Variants in GPM6B observed in about 807,000 individuals in gnomAD.
GPM6B encodes neuronal membrane glycoprotein M6-b.
GPM6B carries 4 observed loss-of-function variants against 27.2 expected under a neutral mutation model. The ratio of observed to expected loss-of-function variants is 0.15; its 90% CI spans 0.07 to 0.34. GPM6B has a LOEUF of 0.34. Among genes scored for constraint, GPM6B ranks in the 10% least tolerant of loss-of-function variants. The pLI, the probability that GPM6B is intolerant of heterozygous loss-of-function variation, is 1.00. For synonymous variants in GPM6B, 124 were observed against 103.1 expected, an observed-to-expected ratio of 1.20 and a Z score of -1.23; for missense variants, 183 against 261.9, an observed-to-expected ratio of 0.70 and a Z score of 2.08.
chrX:13,774,689 C>G (rs1389844948), intron 7 of GPM6B: 1 of 901,430 alleles, frequency 1.1e-6, no homozygotes. Flanking sequence ...CATGACACTT[C>G]TAAACTTGGG....
At chrX:13,904,558 G>A (rs1005916633) in intron 1 of GPM6B, among the ~76,000 whole-genome samples, 5 of 111,198 alleles carry the variant, frequency 4.5e-5, no homozygotes, top group African/African-American at 1.3e-4. Flanking sequence ...AAATTATATC[G>A]ACACAGAGCC....
intron 1 of GPM6B, among the ~76,000 whole-genome samples, chrX:13,905,869 G>A (rs1037170053): frequency 1.4e-4 from 14 of 102,529 alleles, no homozygotes; most frequent in Admixed American, 2.2e-4. Context: ...CTCCATTCGT[G>A]ACACAATGGG....
chrX:13,777,376 C>G lies in GPM6B; in HGVS notation c.747G>C (p.Leu249=), dbSNP rs2048433890. The G allele has an allele frequency of 8.3e-7, 1 of 1,203,469 alleles. No individual in the cohort carries two copies. The highest frequency in any genetic ancestry group is 1.1e-6 in the Non-Finnish European group (1 of 889,155). ...CCTCGTTTGTGTTGCAGATGTTCTC[C>G]AGGGCAGAGCCACATATTTTTCCGG... ...AFPGKICGSA[L]ENICNTNEFY... The change falls in exon 6 of 8, where the codon CTG becomes CTC. Residue 249 remains leucine, a synonymous_variant. Transcript: ENST00000316715.
chrX:13,902,045 C>A (rs749774074), intron 1 of GPM6B, among the ~76,000 whole-genome samples: 2 of 111,945 alleles, frequency 1.8e-5, no homozygotes, highest in Admixed American at 9.5e-5. Context: ...CCTATATGAT[C>A]ATTAAGTTTG....
At chrX:13,892,067 T>G (rs1241350350) in intron 1 of GPM6B, among the ~76,000 whole-genome samples, 2 of 111,649 alleles carry the variant, frequency 1.8e-5, no homozygotes, top group African/African-American at 6.5e-5. Flanking sequence ...CAGCAAATTG[T>G]GTACCTAAGA....
At chrX:13,848,153 C>T (rs925575702) in intron 1 of GPM6B, among the ~76,000 whole-genome samples, 1 of 111,957 alleles carries the variant, frequency 8.9e-6, no homozygotes, top group Non-Finnish European at 1.9e-5. Context: ...TCAGGGGCAT[C>T]TGGCACTCAG....
intron 1 of GPM6B, among the ~76,000 whole-genome samples, chrX:13,842,036 A>G (rs113669689): frequency 0.024 from 2,697 of 111,715 alleles, 86 homozygotes; most frequent in African/African-American, 0.084. Flanking sequence ...TGTCCCCCCA[A>G]TTTACTACAA....
At chrX:13,874,974 G>T (rs1030255146) in intron 1 of GPM6B, among the ~76,000 whole-genome samples, 1 of 101,418 alleles carries the variant, frequency 9.9e-6, no homozygotes, top group African/African-American at 3.8e-5. Flanking sequence ...TCCCTCTTTG[G>T]CCTGTTTGAA....
At chrX:13,790,001 G>A (rs1372318989) in intron 2 of GPM6B, among the ~76,000 whole-genome samples, 2 of 111,618 alleles carry the variant, frequency 1.8e-5, no homozygotes, top group African/African-American at 6.5e-5. Context: ...CCATGCCACT[G>A]CACCCAGCTC....
Position 13,894,994 on chromosome X carries a change from C to T in GPM6B, c.-198+43333G>A, listed in dbSNP as rs567992411. ...AGTCACTGTTCTCCCTGAAACATTA[C>T]GACATCATTTTGGTGAGTAAAAAAG... On this transcript the variant is annotated intron_variant, in intron 1 of 6. Transcript: ENST00000398361. Among the ~76,000 whole-genome samples, 34 of 111,881 alleles carry T rather than the reference C, an allele frequency of 3.0e-4. No individual in the cohort carries two copies. In the South Asian group the frequency reaches 0.012, roughly 39 times the overall value.
intron 1 of GPM6B, among the ~76,000 whole-genome samples, chrX:13,847,188 T>C (rs982464210): frequency 8.9e-6 from 1 of 111,781 alleles, no homozygotes; most frequent in African/African-American, 3.3e-5. Context: ...AAACATCCCT[T>C]ACACACCAAC....
At chrX:13,808,426 G>A (rs187003615) in intron 1 of GPM6B, among the ~76,000 whole-genome samples, 38 of 112,045 alleles carry the variant, frequency 3.4e-4, no homozygotes, top group Middle Eastern at 4.6e-3. Flanking sequence ...GTGACAGCTG[G>A]CACTCCCTGA....
chrX:13,865,541 T>TAAAAAAAAAAAAA (rs1569271152), intron 1 of GPM6B, among the ~76,000 whole-genome samples: 4 of 3,105 alleles, frequency 1.3e-3, no homozygotes, highest in African/African-American at 2.9e-3. Flanking sequence ...ATCCATCTCT[T>TAAAAAAAAAAAAA]CAAAAAAAAA....
chrX:13,929,054 C>T (rs890844612), intron 1 of GPM6B, among the ~76,000 whole-genome samples: 2 of 111,887 alleles, frequency 1.8e-5, no homozygotes, highest in African/African-American at 6.5e-5. Flanking sequence ...AAGGACGGAA[C>T]GTGCAGGAAG....
intron 1 of GPM6B, among the ~76,000 whole-genome samples, chrX:13,837,244 C>A (rs766956293): frequency 8.9e-6 from 1 of 111,981 alleles, no homozygotes; most frequent in East Asian, 2.8e-4. Context: ...AAAGTTGTTA[C>A]TGCCATGTCA....
chrX:13,926,419 AAC>A (rs1156583160), intron 1 of GPM6B, among the ~76,000 whole-genome samples: 13 of 18,965 alleles, frequency 6.9e-4, no homozygotes, highest in African/African-American at 1.7e-3. Context: ...CAAAAAAACA[AAC>A]AAACAAAAAA....
intron 7 of GPM6B, chrX:13,774,248 T>C: frequency 1.2e-6 from 1 of 807,911 alleles, no homozygotes; most frequent in Non-Finnish European, 1.5e-6. Flanking sequence ...TAATAATTCA[T>C]TTAAAGATAC....
At chrX:13,936,513 G>A (rs1260478886) in intron 1 of GPM6B, among the ~76,000 whole-genome samples, 1 of 111,896 alleles carries the variant, frequency 8.9e-6, no homozygotes, top group African/African-American at 3.2e-5. Flanking sequence ...GAGGATGCAC[G>A]GTAATTAAAT....
chrX:13,899,604 G>A (rs1344858022), intron 1 of GPM6B, among the ~76,000 whole-genome samples: 4 of 110,526 alleles, frequency 3.6e-5, no homozygotes, highest in African/African-American at 6.6e-5. Context: ...TGTGTCAGAA[G>A]ACAGAAACAC....
Sources: allele counts gnomAD v4.1 joint callset (sites outside exome capture counted in the v4.1 genomes callset), GRCh38; gene constraint gnomAD v4.1.1; transcripts MANE v1.5; gene names NCBI Gene and HGNC (gene_info 2026-07-23, HGNC 2026-07-21).